RBMS1: variants seen among roughly 807,000 people sequenced by gnomAD.
The protein encoded by RBMS1 is RNA binding motif single stranded interacting protein 1.
A neutral mutation model predicts 62.3 loss-of-function variants in RBMS1; 17 were observed. The ratio of observed to expected loss-of-function variants is 0.27; its 90% confidence interval spans 0.19 to 0.41. The LOEUF is 0.41. RBMS1 is among the 10% of genes least tolerant of loss of function. The pLI, the probability that RBMS1 is intolerant of heterozygous loss-of-function variation, is 1.00. For synonymous variants in RBMS1, 172 were observed against 170.0 expected, an observed-to-expected ratio of 1.01 and a Z score of -0.09; for missense variants, 334 against 504.5, an observed-to-expected ratio of 0.66 and a Z score of 3.24.
chr2:160,429,350 C>T (rs888633572), intron 1 of RBMS1, among the ~76,000 whole-genome samples: 1 of 152,116 alleles, frequency 6.6e-6, no homozygotes, highest in African/African-American at 2.4e-5. Flanking sequence ...ATGGTAAGAA[C>T]AGGTCATTTT....
chr2:160,346,067 A>C (rs1692157748), intron 2 of RBMS1, among the ~76,000 whole-genome samples: 1 of 152,092 alleles, frequency 6.6e-6, no homozygotes, highest in Admixed American at 6.6e-5. Context: ...AAATCTTGGA[A>C]GCCTTCTCCG....
At chr2:160,423,360 C>A (rs1696509659) in intron 1 of RBMS1, among the ~76,000 whole-genome samples, 1 of 96,058 alleles carries the variant, frequency 1.0e-5, no homozygotes, top group Admixed American at 1.5e-4. Context: ...CTTCTCTATT[C>A]TAAAAAAAAG....
intron 2 of RBMS1, among the ~76,000 whole-genome samples, chr2:160,330,973 C>A (rs924827491): frequency 3.3e-5 from 5 of 152,046 alleles, no homozygotes; most frequent in African/African-American, 1.2e-4. Flanking sequence ...GAGAAGGCTG[C>A]GTGAAAACGG....
intron 1 of RBMS1, among the ~76,000 whole-genome samples, chr2:160,449,799 G>C (rs1211144223): frequency 1.3e-5 from 2 of 151,182 alleles, no homozygotes; most frequent in Non-Finnish European, 2.9e-5. Context: ...CCCCCTCTCT[G>C]AGAAACACCC....
chr2:160,278,611 G>T lies in RBMS1; in HGVS notation c.999C>A (p.Pro333=), dbSNP rs768629704. The part of the protein sequence containing the change: ...PSMEHTMSLQ[P]ASMISPLAQQ... ...GGGCCAGAGGGCTGATCATTGATGC[G>T]GGCTGTAGTGACATGGTGTGCTCCA... The change falls in exon 11 of 14, where the codon CCC becomes CCA. Residue 333 remains proline, a synonymous_variant. Coordinates refer to ENST00000348849, the MANE Select transcript of RBMS1 (RefSeq NM_016836.4). The T allele has an allele frequency of 1.9e-6, 3 of 1,613,618 alleles. No individual in the cohort carries two copies. Among genetic ancestry groups the T allele is most frequent in the African/African-American group, 1.3e-5 (1 of 75,006 alleles).
intron 1 of RBMS1, among the ~76,000 whole-genome samples, chr2:160,406,809 A>G (rs1260048086): frequency 6.6e-6 from 1 of 152,182 alleles, no homozygotes; most frequent in Non-Finnish European, 1.5e-5. Context: ...GTGGCTTTCG[A>G]GTTCAATCTG....
At chr2:160,333,150 AG>A (rs1387242487) in intron 2 of RBMS1, among the ~76,000 whole-genome samples, 1 of 151,994 alleles carries the variant, frequency 6.6e-6, no homozygotes, top group Non-Finnish European at 1.5e-5. Context: ...GGGGGCAGAA[AG>A]GGTAGGTGGG....
intron 2 of RBMS1, among the ~76,000 whole-genome samples, chr2:160,364,880 C>T (rs1347235078): frequency 1.3e-5 from 2 of 152,152 alleles, no homozygotes; most frequent in African/African-American, 4.8e-5. Context: ...AATTCAGCCT[C>T]ACCAGGTCAA....
chr2:160,351,192 G>A (rs181988667), intron 2 of RBMS1, among the ~76,000 whole-genome samples: 1 of 149,790 alleles, frequency 6.7e-6, no homozygotes, highest in Admixed American at 6.7e-5. Context: ...AGGGGGAGGG[G>A]GGAGGGAATA....
chr2:160,478,751 C>A (rs1439178199), intron 1 of RBMS1, among the ~76,000 whole-genome samples: 4 of 152,164 alleles, frequency 2.6e-5, no homozygotes, highest in Non-Finnish European at 4.4e-5. Flanking sequence ...AGTATATGAT[C>A]CAAACAGCAC....
intron 7 of RBMS1, among the ~76,000 whole-genome samples, chr2:160,286,585 G>T (rs1207933164): frequency 2.0e-5 from 3 of 152,022 alleles, no homozygotes; most frequent in African/African-American, 7.2e-5. Context: ...CTCCCAAAGT[G>T]CTAGGATTAT....
chr2:160,462,532 T>G (rs1373273413), intron 1 of RBMS1, among the ~76,000 whole-genome samples: 1 of 152,146 alleles, frequency 6.6e-6, no homozygotes, highest in African/African-American at 2.4e-5. Flanking sequence ...GAAATAATAC[T>G]CTGAACAAGA....
intron 1 of RBMS1, among the ~76,000 whole-genome samples, chr2:160,447,812 C>T (rs1192207353): frequency 1.3e-5 from 2 of 152,170 alleles, no homozygotes; most frequent in African/African-American, 4.8e-5. Context: ...TGCTGGGGGT[C>T]AAGAGATGCT....
intron 2 of RBMS1, among the ~76,000 whole-genome samples, chr2:160,362,892 G>A (rs1693207373): frequency 1.3e-5 from 2 of 151,934 alleles, no homozygotes; most frequent in Non-Finnish European, 2.9e-5. Context: ...TTAGCATTAA[G>A]CTACTTCCCT....
chr2:160,400,349 A>C (rs561479041), intron 1 of RBMS1, among the ~76,000 whole-genome samples: 11 of 152,154 alleles, frequency 7.2e-5, no homozygotes, highest in South Asian at 2.1e-4. Flanking sequence ...CAAAATGAAA[A>C]ATACAAACAT....
In RBMS1 at chr2:160,287,017, T is replaced by C. The variant is rs1688435511; in HGVS notation, c.708A>G (p.Lys236=). ...GGQKKRQNPN[K]YIPNGRPWHR... is the part of the protein sequence containing the mutation. ...GCCATGGTCTTCCATTAGGGATGTA[T>C]TTGTTTGGGTTCTGTCTCTTTTTCT... is the stretch of plus-strand genomic sequence containing the variant. Residue 236 remains lysine (K), a synonymous_variant, in exon 7 of 14, where the codon AAA becomes AAG. Transcript: ENST00000348849. 1.2e-6 allele frequency: 2 copies of C among 1,613,570 alleles called. No homozygotes were observed. The highest frequency in any genetic ancestry group is 1.7e-6 in the Non-Finnish European group (2 of 1,180,000).
intron 6 of RBMS1, 90 bp from the exon 7 acceptor site, chr2:160,287,174 G>A (rs1688443665): frequency 5.9e-6 from 9 of 1,516,012 alleles, no homozygotes; most frequent in South Asian, 3.5e-5. Flanking sequence ...TAGTGTTCAC[G>A]CTATTAGAAA....
chr2:160,484,253 T>C (rs545273801), intron 1 of RBMS1, among the ~76,000 whole-genome samples: 2 of 151,742 alleles, frequency 1.3e-5, no homozygotes, highest in Non-Finnish European at 2.9e-5. Context: ...CCCAGCACTT[T>C]GGGAGGCCGA....
chr2:160,484,039 A>G (rs1335901356), intron 1 of RBMS1, among the ~76,000 whole-genome samples: 1 of 139,406 alleles, frequency 7.2e-6, no homozygotes, highest in Non-Finnish European at 1.5e-5. Context: ...GTGTCTCACT[A>G]TGTTGCCCAG....
Sources: gnomAD v4.1 joint callset for allele counts (sites outside exome capture counted in the v4.1 genomes callset) on GRCh38, gnomAD v4.1.1 for gene constraint, MANE v1.5 for transcripts, NCBI Gene and HGNC (gene_info 2026-07-23, HGNC 2026-07-21) for gene names.